The following CEP72 variants were observed in gnomAD, a reference collection of about 807,000 sequenced individuals.
The protein encoded by CEP72 is centrosomal protein 72.
CEP72 carries 78 observed loss-of-function variants against 65.7 expected under a neutral mutation model. That is an observed-to-expected ratio of 1.19 (90% CI 0.99 to 1.43). CEP72 has a LOEUF of 1.43. Among genes scored for constraint, CEP72 ranks in the 40% most tolerant of loss-of-function variants. The pLI, the probability that CEP72 is intolerant of heterozygous loss-of-function variation, is 0.00. For synonymous variants in CEP72, 358 were observed against 351.7 expected (o/e 1.02, Z -0.20); for missense variants, 914 against 832.9 (o/e 1.10, Z -1.20).
chr5:653,955 T>TCTGTGTGTGTGTGTGCCCTTG (rs202205821), downstream of CEP72, among the ~76,000 whole-genome samples: 1 of 150,770 alleles, frequency 6.6e-6, no homozygotes, highest in Non-Finnish European at 1.5e-5. Flanking sequence ...CTGTGCTAGC[T>TCTGTGTGTGTGTGTGCCCTTG]CTGTGTGTGT....
At chr5:616,142 G>GT (rs1735976073) in intron 1 of CEP72, among the ~76,000 whole-genome samples, 1 of 151,812 alleles carries the variant, frequency 6.6e-6, no homozygotes, top group Non-Finnish European at 1.5e-5. Context: ...GGTTTCTTTC[G>GT]TTTTTCCTTT....
At chr5:674,755 C>T in the CEP72 span, among the ~76,000 whole-genome samples, 3 of 151,748 alleles carry the variant, frequency 2.0e-5, 1 homozygote, top group African/African-American at 7.3e-5. Flanking sequence ...GCTGGTCTGT[C>T]CTCCAGGCAG....
At chr5:634,601 G>C (rs1330233713) in intron 5 of CEP72, among the ~76,000 whole-genome samples, 1 of 152,214 alleles carries the variant, frequency 6.6e-6, no homozygotes, top group African/African-American at 2.4e-5. Flanking sequence ...TGCTCTGTCA[G>C]GGGGTTGTGG....
rs1737936158 is a variant in CEP72 at position 640,489 on chromosome 5, G to T, written c.1424G>T (p.Gly475Val). ...TCTGCGATGGTGGGTGAAGATGTCG[G>T]CTCCCTGGCTCTGGAGAGTAAGTCC... ...DSSAMVGEDV[G>V]SLALESKSLQ... Residue 475 changes from glycine (G) to valine (V), a missense_variant, in exon 9 of 12, where the codon GGC becomes GTC. Transcript: ENST00000264935. The T allele has an allele frequency of 6.2e-7, 1 of 1,614,214 alleles. No individual in the cohort carries two copies. Among genetic ancestry groups the T allele is most frequent in the Non-Finnish European group, 8.5e-7 (1 of 1,180,034 alleles).
At position 623,772 on chromosome 5, in the gene CEP72, G is replaced by A. The variant is rs527948113; in HGVS notation, c.404-699G>A. 6.6e-6 allele frequency among the ~76,000 whole-genome samples: 1 copy of A among 152,184 alleles called. No individual in the cohort carries two copies. The highest frequency in any genetic ancestry group is 2.1e-4 in the South Asian group (1 of 4,802). Reference sequence around the variant, plus strand: ...GGCCTCTGACTCGGCATCTTTGTGTGATTATCAGAACTCCTCCGTTTTTCT... The same window carrying A: ...GGCCTCTGACTCGGCATCTTTGTGTAATTATCAGAACTCCTCCGTTTTTCT... On this transcript the variant is annotated intron_variant, in intron 3 of 11. Coordinates refer to ENST00000264935, the MANE Select transcript of CEP72 (RefSeq NM_018140.4). The surrounding 1 kb of genome is among the most constrained non-coding windows in gnomAD (Gnocchi z 5.3).
At position 624,712 on chromosome 5, in the gene CEP72, C is replaced by G. The variant is rs969616095; in HGVS notation, c.512+133C>G. On this transcript the variant is annotated intron_variant, in intron 4 of 11. Transcript: ENST00000264935. This position sits in a 1 kb window ranked among gnomAD's most constrained non-coding sequence, Gnocchi z 4.7. ...CACCAGGAGGGAGGAAGGGCAGAGCCTGCCTGGCGGGGACTCCGTGGACAG... is the reference window on the plus strand; with the variant it reads ...CACCAGGAGGGAGGAAGGGCAGAGCGTGCCTGGCGGGGACTCCGTGGACAG... 17 of 697,594 alleles carry G rather than the reference C, an allele frequency of 2.4e-5. No individual in the cohort carries two copies. In the African/African-American group the frequency reaches 3.0e-4, roughly 12 times the overall value. 43.2% of individuals were successfully genotyped at this position (697,594 alleles called of 1,614,324 possible). A position where few individuals can be genotyped will look rare whatever the true frequency, so the allele number is the denominator to read the frequency against.
intron 11 of CEP72, among the ~76,000 whole-genome samples, chr5:651,196 CTG>C (rs1387785614): frequency 2.8e-5 from 2 of 70,296 alleles, no homozygotes; most frequent in Non-Finnish European, 5.4e-5. Flanking sequence ...GAGGCGTGGA[CTG>C]TGAGGTGTGA....
At chr5:646,721 G>A (rs987087115) in intron 10 of CEP72, among the ~76,000 whole-genome samples, 53 of 152,374 alleles carry the variant, frequency 3.5e-4, no homozygotes, top group African/African-American at 1.1e-3. Context: ...GGGCAGGGCC[G>A]TGGTTCCCTG....
At chr5:655,130 G>A (rs1407941736), downstream of CEP72, among the ~76,000 whole-genome samples, 10 of 152,132 alleles carry the variant, frequency 6.6e-5, no homozygotes, top group Admixed American at 6.5e-4. The surrounding 1 kb of genome is among the most constrained non-coding windows in gnomAD (Gnocchi z 5.0). Flanking sequence ...GGAGGCTGAG[G>A]CAGGAGGATC....
intron 2 of CEP72, among the ~76,000 whole-genome samples, chr5:619,566 C>G (rs1235829980): frequency 6.6e-6 from 1 of 152,122 alleles, no homozygotes; most frequent in Non-Finnish European, 1.5e-5. Flanking sequence ...TTGGCCCGGA[C>G]AGAACCGTGG....
intron 7 of CEP72, among the ~76,000 whole-genome samples, chr5:638,752 C>T (rs2126790018): frequency 6.6e-6 from 1 of 152,296 alleles, no homozygotes; most frequent in Non-Finnish European, 1.5e-5. Context: ...TCCTGGGCAG[C>T]TCCTTTTGAA....
rs374762079 is a variant in CEP72 at position 631,904 on chromosome 5, T to C, written c.513-1865T>C. Among the ~76,000 whole-genome samples the C allele has an allele frequency of 4.4e-3, 154 of 35,358 alleles. 3 individuals are homozygous for C. Among genetic ancestry groups the C allele is most frequent in the African/African-American group, 8.2e-3 (60 of 7,304 alleles). 23.2% of individuals were successfully genotyped at this position (35,358 alleles called of 152,430 possible). ...CCAGTCCTGGTGGGGTTCTGTCCAG[T>C]GCCGGGATTTGGCCCAGTCCTGGTG... On this transcript the variant is annotated intron_variant, in intron 4 of 11. Coordinates refer to ENST00000264935, the MANE Select transcript of CEP72 (RefSeq NM_018140.4).
At chr5:620,032 A>T in intron 2 of CEP72, 37 bp from the exon 3 acceptor site, 1 of 1,554,236 alleles carries the variant, frequency 6.4e-7, no homozygotes, top group African/African-American at 1.4e-5. Context: ...TTTCTTGTTT[A>T]AAGTGTGAAT....
chr5:648,886 A>C (rs1580020515), intron 11 of CEP72, among the ~76,000 whole-genome samples: 2 of 81,902 alleles, frequency 2.4e-5, no homozygotes, highest in South Asian at 4.8e-4. Context: ...GTGAGGTGTG[A>C]CTGTGAGGCG....
Position 640,517 on chromosome 5 carries a change from G to A in CEP72, c.1452G>A (p.Leu484=). The A allele has an allele frequency of 6.2e-7, 1 of 1,614,204 alleles. No homozygotes were observed. The highest frequency in any genetic ancestry group is 1.1e-5 in the South Asian group (1 of 91,088). The change falls in exon 9 of 12, where the codon CTG becomes CTA. Residue 484 remains leucine, a synonymous_variant. Transcript: ENST00000264935. ...CCCTGGCTCTGGAGAGTAAGTCCCT[G>A]CAAAGCCGCCTTGCTGAGCAGCAGC... is the stretch of plus-strand genomic sequence containing the variant. ...VGSLALESKS[L]QSRLAEQQQQ...
chr5:647,299 G>C (rs1738489359), intron 10 of CEP72, among the ~76,000 whole-genome samples: 1 of 152,236 alleles, frequency 6.6e-6, no homozygotes, highest in Non-Finnish European at 1.5e-5. Context: ...TTCTCCTCTT[G>C]TGCTGGAAAT....
intron 4 of CEP72, among the ~76,000 whole-genome samples, chr5:632,114 C>T (rs1295233865): frequency 1.6e-5 from 1 of 63,418 alleles, no homozygotes; most frequent in Non-Finnish European, 3.3e-5. Flanking sequence ...GGATTTAGAC[C>T]AGTCCTGGTG....
In CEP72 at chr5:626,225, C is replaced by T. The variant is rs183345677; in HGVS notation, c.512+1646C>T. Among the ~76,000 whole-genome samples the T allele has an allele frequency of 3.9e-5, 6 of 152,096 alleles. No individual in the cohort carries two copies. The East Asian group carries it at 9.7e-4, about 25-fold the overall frequency. The stretch of plus-strand genomic sequence containing the variant: ...TCCAGATCGGTATACCTTTTATTTC[C>T]TTTTCTTACCTTACTGCCTTATCTG... On this transcript the variant is annotated intron_variant, in intron 4 of 11. Coordinates refer to ENST00000264935, the MANE Select transcript of CEP72 (RefSeq NM_018140.4).
chr5:675,486 G>GT, the CEP72 span, among the ~76,000 whole-genome samples: 1 of 141,442 alleles, frequency 7.1e-6, no homozygotes, highest in African/African-American at 2.8e-5. Flanking sequence ...GTGGCCAGGG[G>GT]TACATTGTGG....
Sources: allele counts gnomAD v4.1 joint callset (sites outside exome capture counted in the v4.1 genomes callset), GRCh38; gene constraint gnomAD v4.1.1; non-coding constraint Gnocchi (gnomAD v3.1); transcripts MANE v1.5; gene names NCBI Gene and HGNC (gene_info 2026-07-23, HGNC 2026-07-21).